The following BCLAF1 variants were observed in gnomAD, a reference collection of about 807,000 sequenced individuals.
BCLAF1 encodes the protein BCL2 associated transcription factor 1.
BCLAF1 carries 10 observed loss-of-function variants against 99.5 expected under a neutral mutation model. That is an observed-to-expected ratio of 0.10 (90% confidence interval 0.06 to 0.17). The LOEUF (loss-of-function observed/expected upper bound fraction) is 0.17, where lower values mean the gene tolerates loss of function less well. Among genes scored for constraint, BCLAF1 ranks in the 10% least tolerant of loss-of-function variants. BCLAF1 has a pLI of 1.00. For missense variants in BCLAF1, 636 were observed against 1,105.8 expected, an observed-to-expected ratio of 0.58 and a Z score of 6.02; for synonymous variants, 255 against 370.9, an observed-to-expected ratio of 0.69 and a Z score of 3.59.
intron 10 of BCLAF1, 52 bp from the exon 11 acceptor site, chr6:136,267,227 T>A: frequency 6.4e-7 from 1 of 1,560,236 alleles, no homozygotes; most frequent in East Asian, 2.3e-5. Context: ...GGTATTTAGT[T>A]ACATGCAAAT....
Position 136,257,194 on chromosome 6 carries a change from T to TA in BCLAF1, c.*3915dup, listed in dbSNP as rs1323550340. On this transcript the variant is annotated 3_prime_UTR_variant, in exon 13 of 13. Transcript: ENST00000531224. ...AGTGCTACAAATCAGTTCACTGTGG[T>TA]AAAACACCAAAAATATCCATAGGAA... The TA allele has an allele frequency of 2.0e-5, 3 of 152,202 alleles. No individual in the cohort carries two copies. The highest frequency in any genetic ancestry group is 4.4e-5 in the Non-Finnish European group (3 of 68,026). The allele number at this position is 152,202 out of a possible 1,614,324, so 9.4% of individuals were successfully genotyped here.
At chr6:136,287,162 AGGACAT>A (rs920776366) in intron 1 of BCLAF1, among the ~76,000 whole-genome samples, 3 of 150,678 alleles carry the variant, frequency 2.0e-5, no homozygotes, top group African/African-American at 7.3e-5. Context: ...AAAAATTAGC[AGGACAT>A]GGTGGCGGGC....
chr6:136,271,970 A>G, intron 8 of BCLAF1, 25 bp downstream of exon 8: 1 of 1,550,802 alleles, frequency 6.4e-7, no homozygotes, highest in Non-Finnish European at 8.9e-7. Flanking sequence ...CTTAACACGA[A>G]AAAAAATTAC....
intron 1 of BCLAF1, among the ~76,000 whole-genome samples, chr6:136,284,126 G>GTATATATATATATA (rs1212310238): frequency 1.3e-5 from 1 of 76,162 alleles, no homozygotes; most frequent in African/African-American, 8.3e-5. Context: ...ATGTGTGTGT[G>GTATATATATATATA]TGTGTATATA....
chr6:136,270,539 A>G (rs989585351), intron 8 of BCLAF1, among the ~76,000 whole-genome samples: 4 of 151,844 alleles, frequency 2.6e-5, no homozygotes, highest in African/African-American at 7.2e-5. Flanking sequence ...AATGATATCA[A>G]CTACTCACCT....
In BCLAF1 at chr6:136,271,977, T is replaced by A; in HGVS notation, c.2043+18A>T. 1.3e-6 allele frequency: 2 copies of A among 1,565,156 alleles called. No homozygotes were observed. Among genetic ancestry groups the A allele is most frequent in the African/African-American group, 1.4e-5 (1 of 73,368 alleles). Reference sequence around the variant, plus strand: ...AAGCTGAACTTAACACGAAAAAAAATTACATTCAAAAACATACCTTTTGAT... The same window carrying A: ...AAGCTGAACTTAACACGAAAAAAAAATACATTCAAAAACATACCTTTTGAT... On this transcript the variant is annotated intron_variant, in intron 8 of 12. Coordinates refer to ENST00000531224, the MANE Select transcript of BCLAF1 (RefSeq NM_014739.3).
intron 8 of BCLAF1, among the ~76,000 whole-genome samples, chr6:136,270,767 C>T (rs1031633062): frequency 6.6e-6 from 1 of 151,776 alleles, no homozygotes; most frequent in African/African-American, 2.4e-5. Flanking sequence ...CATCAATTAT[C>T]TCTACTTTTT....
chr6:136,274,085 T>C (rs1370898485), intron 6 of BCLAF1: 56 of 1,288,310 alleles, frequency 4.3e-5, no homozygotes, highest in Non-Finnish European at 5.4e-5. Flanking sequence ...TCAGTTTTTA[T>C]GCCATTTTTG....
At chr6:136,266,707 A>G (rs565454736) in intron 11 of BCLAF1, among the ~76,000 whole-genome samples, 1 of 152,222 alleles carries the variant, frequency 6.6e-6, no homozygotes, top group East Asian at 1.9e-4. Context: ...AGTTTCTACA[A>G]CTGTCACTGT....
intron 6 of BCLAF1, chr6:136,274,301 T>TAAA (rs5880289): frequency 8.2e-5 from 15 of 183,728 alleles, no homozygotes; most frequent in East Asian, 1.9e-4. Flanking sequence ...ACAGTTCTTT[T>TAAA]AAAAAAAAAA....
At chr6:136,286,697 G>A (rs972194095) in intron 1 of BCLAF1, among the ~76,000 whole-genome samples, 27 of 152,204 alleles carry the variant, frequency 1.8e-4, no homozygotes, top group South Asian at 2.1e-4. Flanking sequence ...GCTGGGTGCG[G>A]TGGCTTACAC....
chr6:136,279,103 G>A (rs1173647082), intron 3 of BCLAF1, among the ~76,000 whole-genome samples: 1 of 151,690 alleles, frequency 6.6e-6, no homozygotes, highest in Non-Finnish European at 1.5e-5. Flanking sequence ...TTAAATTGAT[G>A]TTGTAAAAGA....
chr6:136,286,608 T>TG (rs1269349211), intron 1 of BCLAF1, among the ~76,000 whole-genome samples: 13 of 152,236 alleles, frequency 8.5e-5, no homozygotes, highest in Admixed American at 7.8e-4. Flanking sequence ...GATTCTTGCA[T>TG]GTAAGGTTAC....
At chr6:136,288,188 T>C (rs1463480101) in intron 1 of BCLAF1, among the ~76,000 whole-genome samples, 1 of 152,358 alleles carries the variant, frequency 6.6e-6, no homozygotes, top group Admixed American at 6.5e-5. Flanking sequence ...TATTTCAGTA[T>C]TCACCACAAT....
At chr6:136,277,513 T>C (rs892594766) in intron 4 of BCLAF1, among the ~76,000 whole-genome samples, 6 of 152,146 alleles carry the variant, frequency 3.9e-5, no homozygotes, top group Non-Finnish European at 5.9e-5. Context: ...AGAGGAGGGA[T>C]AGAAATTAGG....
At chr6:136,286,847 A>C (rs1362487678) in intron 1 of BCLAF1, among the ~76,000 whole-genome samples, 1 of 152,220 alleles carries the variant, frequency 6.6e-6, no homozygotes, top group Non-Finnish European at 1.5e-5. Context: ...AGGCGCCTGT[A>C]ATCCCAGTTA....
In BCLAF1 at chr6:136,261,315, C is replaced by G. The variant is rs141900019; in HGVS notation, c.2707G>C (p.Glu903Gln). The G allele has an allele frequency of 2.5e-6, 4 of 1,613,882 alleles. No individual in the cohort carries two copies. Among genetic ancestry groups the G allele is most frequent in the Non-Finnish European group, 3.4e-6 (4 of 1,179,868 alleles). ...QGDGIVEDEE[E>Q]TMENNEEKKD... ...TTTTCTTCATTATTTTCCATGGTCT[C>G]TTCTTCATCTTCAACAATCCCATCC... The change falls in exon 12 of 13, where the codon GAG becomes CAG. Residue 903 changes from glutamate to glutamine, a missense_variant. Coordinates refer to ENST00000531224, the MANE Select transcript of BCLAF1 (RefSeq NM_014739.3).
chr6:136,274,677 C>T (rs1202646405), intron 6 of BCLAF1, among the ~76,000 whole-genome samples: 1 of 151,888 alleles, frequency 6.6e-6, no homozygotes, highest in Non-Finnish European at 1.5e-5. Flanking sequence ...ATTTTAAAGG[C>T]CAACAGTCTT....
rs539106198 is a variant in BCLAF1, at chr6:136,268,300, G to C, written c.2259C>G (p.Ser753=). Residue 753 remains serine, a synonymous_variant, in exon 10 of 13, where the codon TCC becomes TCG. Coordinates refer to ENST00000531224, the MANE Select transcript of BCLAF1 (RefSeq NM_014739.3). ...KREQDHSRSS[S]SSASPSSPSS... is the part of the protein sequence containing the mutation. ...TGGGAGAAGAAGGTGATGCTGAAGA[G>C]GATGAAGATCGAGAATGATCTTGCT... The C allele has an allele frequency of 3.1e-6, 5 of 1,607,424 alleles. No homozygotes were observed. In the South Asian group the frequency reaches 5.6e-5, roughly 18 times the overall value.
Sources: gnomAD v4.1 joint callset for allele counts (sites outside exome capture counted in the v4.1 genomes callset) on GRCh38, gnomAD v4.1.1 for gene constraint, MANE v1.5 for transcripts, NCBI Gene and HGNC (gene_info 2026-07-23, HGNC 2026-07-21) for gene names.